Variants in SMG6 observed in about 807,000 individuals in gnomAD.
The protein encoded by SMG6 is telomerase-binding protein EST1A.
In SMG6, 66 loss-of-function variants were observed where a neutral mutation model predicts 142.2. That is an observed-to-expected ratio of 0.46 (90% CI 0.38 to 0.57). SMG6 has a LOEUF of 0.57. Ranked by LOEUF, SMG6 falls within the 20% of genes least tolerant of loss-of-function variation. The pLI, the probability that SMG6 is intolerant of heterozygous loss-of-function variation, is 0.00. For missense variants in SMG6, 1,793 were observed against 1,832.0 expected (o/e 0.98, Z 0.39); for synonymous variants, 779 against 702.4 (o/e 1.11, Z -1.72).
Position 2,298,187 on chromosome 17 carries a change from C to T in SMG6, c.1848-132G>A, listed in dbSNP as rs60590223. On this transcript the variant is annotated intron_variant, in intron 2 of 18. Transcript: ENST00000263073. ...AAAATGTGACCAGGTAGGTATACTA[C>T]TCACTCTGGTTTCCATTCTGCAGAG... The T allele has an allele frequency of 0.017, 12,130 of 722,100 alleles. 1,033 individuals carry two copies. The African/African-American group carries it at 0.19, about 12-fold the overall frequency. The allele number at this position is 722,100 out of a possible 1,614,324, so 44.7% of individuals were successfully genotyped here.
At chr17:2,243,573 T>TG (rs1250483321) in intron 9 of SMG6, among the ~76,000 whole-genome samples, 1 of 151,876 alleles carries the variant, frequency 6.6e-6, no homozygotes, top group African/African-American at 2.4e-5. Flanking sequence ...CCCAGCTACT[T>TG]GGGGGGCTGA....
At position 2,119,387 on chromosome 17, in the gene SMG6, T is replaced by C. The variant is rs1014699998; in HGVS notation, c.3358-33486A>G. On this transcript the variant is annotated intron_variant, in intron 13 of 18. Transcript: ENST00000263073. The stretch of plus-strand genomic sequence containing the variant: ...TTTTGTATTTTTAATAGAGACAGGG[T>C]TTTACCATATTGGCCAGGCTGGTCT... 7.2e-5 allele frequency among the ~76,000 whole-genome samples: 11 copies of C among 151,860 alleles called. No individual in the cohort carries two copies. In the East Asian group the frequency reaches 2.1e-3, roughly 30 times the overall value.
chr17:2,091,867 A>AGAGAC (rs1247338452), intron 13 of SMG6, among the ~76,000 whole-genome samples: 3 of 150,258 alleles, frequency 2.0e-5, no homozygotes, highest in African/African-American at 4.9e-5. Context: ...TTTTTTTAGT[A>AGAGAC]GAGACGAGGT....
chr17:2,118,636 C>T (rs2069583845), intron 13 of SMG6, among the ~76,000 whole-genome samples: 1 of 141,578 alleles, frequency 7.1e-6, no homozygotes, highest in South Asian at 2.2e-4. Flanking sequence ...TTTTGAGCAA[C>T]GGTCTTGCTC....
intron 9 of SMG6, chr17:2,237,088 AATTT>A (rs2073683308): frequency 1.4e-5 from 2 of 142,938 alleles, no homozygotes; most frequent in African/African-American, 2.7e-5. Context: ...AAAAAAAAAA[AATTT>A]TTTTTTTTTT....
intron 13 of SMG6, among the ~76,000 whole-genome samples, chr17:2,091,752 G>C (rs1026021485): frequency 1.3e-5 from 2 of 150,750 alleles, no homozygotes; most frequent in African/African-American, 4.9e-5. Context: ...CTCACTGCAA[G>C]CTCTGCCTCC....
chr17:2,169,254 G>A (rs1222993195), intron 13 of SMG6, among the ~76,000 whole-genome samples: 1 of 151,516 alleles, frequency 6.6e-6, no homozygotes, highest in Non-Finnish European at 1.5e-5. Context: ...TGAGGTGGCA[G>A]TGAGTTATGA....
Position 2,277,161 on chromosome 17 carries a change from ATTTATTT to A in SMG6, c.2661+5479_2661+5485del, listed in dbSNP as rs760273470. ...TATTTATTTATTTATTTATTTATTT[ATTTATTT>A]TTTATTTTTTTTTTTTTTGAGACAG... is the stretch of plus-strand genomic sequence containing the variant. On this transcript the variant is annotated intron_variant, in intron 8 of 18. Transcript: ENST00000263073. Among the ~76,000 whole-genome samples the A allele has an allele frequency of 3.2e-3, 210 of 65,114 alleles. 3 individuals carry two copies. Among genetic ancestry groups the A allele is most frequent in the African/African-American group, 5.8e-3 (98 of 17,022 alleles). 42.7% of individuals were successfully genotyped at this position (65,114 alleles called of 152,430 possible). A position where few individuals can be genotyped will look rare whatever the true frequency, so the allele number is the denominator to read the frequency against.
chr17:2,103,946 A>G (rs2069081144), intron 13 of SMG6, among the ~76,000 whole-genome samples: 1 of 151,678 alleles, frequency 6.6e-6, no homozygotes, highest in Non-Finnish European at 1.5e-5. Context: ...AATCACCATC[A>G]ACACATTCTT....
At chr17:2,098,515 CTT>C (rs1319482262) in intron 13 of SMG6, among the ~76,000 whole-genome samples, 2 of 152,182 alleles carry the variant, frequency 1.3e-5, no homozygotes, top group Non-Finnish European at 2.9e-5. Flanking sequence ...TACATTCTTT[CTT>C]TTCTGATTTC....
chr17:2,297,737 C>T (rs1170989789), intron 3 of SMG6, 126 bp downstream of exon 3: 2 of 1,023,836 alleles, frequency 2.0e-6, no homozygotes, highest in East Asian at 2.6e-5. Context: ...AGGCTCAGAA[C>T]CCAAGAAAAG....
chr17:2,299,755 C>T lies in SMG6; in HGVS notation c.998G>A (p.Gly333Asp), dbSNP rs1382334543. Residue 333 changes from glycine to aspartate, a missense_variant, in exon 2 of 19, where the codon GGC (glycine) becomes GAC (aspartate). Transcript: ENST00000263073. This position sits in a 1 kb window ranked among gnomAD's most constrained non-coding sequence, Gnocchi z 4.3. The part of the protein sequence containing the change: ...RKRHLERNWS[G>D]RGEGEQKNSA... ...GTTTTTCTGCTCACCCTCCCCACGG[C>T]CAGACCAGTTTCTTTCTAAATGTCT... 1.2e-6 allele frequency: 2 copies of T among 1,614,218 alleles called. No homozygotes were observed. Among genetic ancestry groups the T allele is most frequent in the South Asian group, 2.2e-5 (2 of 91,090 alleles).
intron 11 of SMG6, among the ~76,000 whole-genome samples, chr17:2,187,914 G>A (rs976938754): frequency 1.3e-5 from 2 of 151,966 alleles, no homozygotes; most frequent in African/African-American, 4.8e-5. Flanking sequence ...GACTTCTAAG[G>A]GCAGCCTTAA....
chr17:2,151,033 C>T (rs979957175), intron 13 of SMG6, among the ~76,000 whole-genome samples: 1 of 152,234 alleles, frequency 6.6e-6, no homozygotes, highest in Non-Finnish European at 1.5e-5. Flanking sequence ...AAATGCTTCA[C>T]ACCTGGCTCC....
At chr17:2,064,509 C>T (rs753606821) in intron 18 of SMG6, among the ~76,000 whole-genome samples, 1 of 152,178 alleles carries the variant, frequency 6.6e-6, no homozygotes, top group South Asian at 2.1e-4. Context: ...CTCTAGCCAG[C>T]CTTCAAAGTG....
At chr17:2,192,075 C>G (rs562713732) in intron 10 of SMG6, among the ~76,000 whole-genome samples, 6 of 152,242 alleles carry the variant, frequency 3.9e-5, no homozygotes, top group Non-Finnish European at 5.9e-5. Flanking sequence ...CAAAGCAAAG[C>G]TGTGCCTGAC....
chr17:2,131,547 C>A (rs1458342965), intron 13 of SMG6, among the ~76,000 whole-genome samples: 1 of 152,140 alleles, frequency 6.6e-6, no homozygotes, highest in Non-Finnish European at 1.5e-5. Flanking sequence ...ATCTGCTCAC[C>A]TCGGTCTCCC....
chr17:2,092,910 T>C (rs2068762244), intron 13 of SMG6, among the ~76,000 whole-genome samples: 1 of 152,172 alleles, frequency 6.6e-6, no homozygotes, highest in Non-Finnish European at 1.5e-5. Context: ...TAAAAGATAA[T>C]ACAGGCCGGG....
intron 10 of SMG6, chr17:2,199,677 G>A (rs1011742433): frequency 2.0e-5 from 3 of 151,902 alleles, no homozygotes; most frequent in Non-Finnish European, 2.9e-5. Flanking sequence ...AGGCTGAGGC[G>A]GATGATCACT....
Sources: allele counts gnomAD v4.1 joint callset (sites outside exome capture counted in the v4.1 genomes callset), GRCh38; gene constraint gnomAD v4.1.1; non-coding constraint Gnocchi (gnomAD v3.1); transcripts MANE v1.5; gene names NCBI Gene and HGNC (gene_info 2026-07-23, HGNC 2026-07-21).